The following CDH12 variants were observed in gnomAD, a reference collection of about 807,000 sequenced individuals.
The protein encoded by CDH12 is cadherin-12.
A neutral mutation model predicts 74.1 loss-of-function variants in CDH12; 41 were observed. The ratio of observed to expected loss-of-function variants is 0.55; its 90% CI spans 0.43 to 0.72. The LOEUF (loss-of-function observed/expected upper bound fraction) is 0.72, where lower values mean the gene tolerates loss of function less well. CDH12 is among the 30% of genes least tolerant of loss of function. The pLI is 0.00. For synonymous variants in CDH12, 399 were observed against 355.0 expected (o/e 1.12, Z -1.39); for missense variants, 945 against 977.2 (o/e 0.97, Z 0.44).
chr5:21,860,078 A>C (rs983671560), intron 6 of CDH12, among the ~76,000 whole-genome samples: 2 of 151,326 alleles, frequency 1.3e-5, no homozygotes. Context: ...AATGGGTAGT[A>C]GAAGAAGGTC....
At chr5:22,095,873 A>ACC (rs1297754723) in intron 4 of CDH12, among the ~76,000 whole-genome samples, 1 of 147,182 alleles carries the variant, frequency 6.8e-6, no homozygotes, top group Admixed American at 6.8e-5. Flanking sequence ...CCGTGCCCCG[A>ACC]CCTCTTATCT....
intron 3 of CDH12, among the ~76,000 whole-genome samples, chr5:22,231,763 A>G (rs954164548): frequency 1.3e-5 from 2 of 152,020 alleles, no homozygotes; most frequent in Non-Finnish European, 2.9e-5. Flanking sequence ...ACCATATATG[A>G]AAACAAAACT....
intron 4 of CDH12, among the ~76,000 whole-genome samples, chr5:22,168,199 G>A (rs1157277090): frequency 6.6e-6 from 1 of 152,044 alleles, no homozygotes; most frequent in Non-Finnish European, 1.5e-5. Flanking sequence ...ATATGTTCAT[G>A]TGCATAAAGA....
chr5:22,348,657 ATC>A (rs1289880658), intron 3 of CDH12, among the ~76,000 whole-genome samples: 1 of 152,212 alleles, frequency 6.6e-6, no homozygotes, highest in African/African-American at 2.4e-5. Flanking sequence ...TGGCTCTATC[ATC>A]TTGAGTGGTC....
At chr5:21,781,012 T>C (rs1279676878) in intron 11 of CDH12, among the ~76,000 whole-genome samples, 1 of 152,178 alleles carries the variant, frequency 6.6e-6, no homozygotes, top group Non-Finnish European at 1.5e-5. Context: ...ACTGTCATTC[T>C]CTTCTCCCTA....
intron 4 of CDH12, among the ~76,000 whole-genome samples, chr5:22,183,865 A>G (rs1217100127): frequency 6.6e-6 from 1 of 152,224 alleles, no homozygotes; most frequent in Middle Eastern, 3.2e-3. Context: ...TGATACAGTC[A>G]GAAATATCCC....
At chr5:22,758,651 C>T (rs947514171) in intron 1 of CDH12, among the ~76,000 whole-genome samples, 7 of 151,536 alleles carry the variant, frequency 4.6e-5, no homozygotes, top group African/African-American at 1.7e-4. Flanking sequence ...AAAGAGTAAA[C>T]TTTGTTTGCT....
chr5:22,076,280 G>C (rs188554678), intron 5 of CDH12, among the ~76,000 whole-genome samples: 1 of 151,976 alleles, frequency 6.6e-6, no homozygotes. Flanking sequence ...CACTGTTACC[G>C]CAATTATAAA....
intron 3 of CDH12, among the ~76,000 whole-genome samples, chr5:22,328,822 G>C (rs1268116506): frequency 1.3e-5 from 2 of 152,148 alleles, no homozygotes; most frequent in Non-Finnish European, 2.9e-5. Context: ...TCTGTCATGG[G>C]CTTTTAAGAA....
chr5:21,801,771 T>C (rs1311618313), intron 10 of CDH12, among the ~76,000 whole-genome samples: 2 of 152,208 alleles, frequency 1.3e-5, no homozygotes, highest in African/African-American at 4.8e-5. Context: ...TCAGAAATTT[T>C]AGAGTAATTA....
chr5:22,487,500 T>C (rs1412493733), intron 2 of CDH12, among the ~76,000 whole-genome samples: 1 of 151,954 alleles, frequency 6.6e-6, no homozygotes, highest in Admixed American at 6.6e-5. Flanking sequence ...TGAAAGACAG[T>C]GAAACTTGAG....
chr5:22,770,042 C>CT (rs150735015), intron 1 of CDH12, among the ~76,000 whole-genome samples: 50 of 148,868 alleles, frequency 3.4e-4, no homozygotes, highest in South Asian at 8.6e-4. Context: ...GTTGCGCTGA[C>CT]TTTTTTTTTT....
chr5:21,946,928 T>C (rs4028773), intron 6 of CDH12, among the ~76,000 whole-genome samples: 26 of 152,302 alleles, frequency 1.7e-4, no homozygotes, highest in Middle Eastern at 3.4e-3. Flanking sequence ...GGGCAAGACC[T>C]GGTGGGAAGT....
intron 4 of CDH12, among the ~76,000 whole-genome samples, chr5:22,196,041 A>G (rs1750598093): frequency 6.6e-6 from 1 of 152,056 alleles, no homozygotes; most frequent in Admixed American, 6.6e-5. Flanking sequence ...TCTCTATCCT[A>G]TATTACAGAA....
At chr5:22,696,391 A>AAAAAAAT (rs1742365740) in intron 1 of CDH12, among the ~76,000 whole-genome samples, 1 of 150,386 alleles carries the variant, frequency 6.6e-6, no homozygotes, top group African/African-American at 2.4e-5. Context: ...AAAAAAAAAA[A>AAAAAAAT]TTTTCTTTTA....
chr5:22,708,602 G>T (rs1023369466), intron 1 of CDH12, among the ~76,000 whole-genome samples: 1 of 152,108 alleles, frequency 6.6e-6, no homozygotes, highest in Non-Finnish European at 1.5e-5. Context: ...AGTGTAGTTA[G>T]AGCACAGAGA....
Position 22,779,183 on chromosome 5 carries a change from G to A in CDH12, c.-523+73875C>T, listed in dbSNP as rs189832689. 3.0e-4 allele frequency among the ~76,000 whole-genome samples: 46 copies of A among 151,468 alleles called. 1 individual carries two copies. The highest frequency in any genetic ancestry group is 9.8e-4 in the African/African-American group (40 of 40,866). On this transcript the variant is annotated intron_variant, in intron 1 of 14. Transcript: ENST00000382254. ...GGATCTAAATGTTGCTGCTCCTTCG[G>A]CAATAGCACTTTGATGTTTATCAAA...
At position 21,880,567 on chromosome 5, in the gene CDH12, CTTT is replaced by C. The variant is rs1207918357; in HGVS notation, c.527-25780_527-25778del. 3.8e-3 allele frequency among the ~76,000 whole-genome samples: 46 copies of C among 12,168 alleles called. 1 individual carries two copies. Among genetic ancestry groups the C allele is most frequent in the Non-Finnish European group, 9.0e-3 (28 of 3,126 alleles). 8.0% of individuals were successfully genotyped at this position (12,168 alleles called of 152,430 possible). On this transcript the variant is annotated intron_variant, in intron 6 of 14. Coordinates refer to ENST00000382254, the MANE Select transcript of CDH12 (RefSeq NM_004061.5). Reference sequence around the variant, plus strand: ...CCTTCCTTCCTTCCTTCCTTCCCTTCTTTCTTTCCTTCCTTCCTTCCTTCCTTC... The same window carrying C: ...CCTTCCTTCCTTCCTTCCTTCCCTTCCTTTCCTTCCTTCCTTCCTTCCTTC...
intron 3 of CDH12, among the ~76,000 whole-genome samples, chr5:22,350,596 T>G (rs1253126057): frequency 6.6e-6 from 1 of 152,174 alleles, no homozygotes; most frequent in Non-Finnish European, 1.5e-5. Context: ...TAACAGGACC[T>G]TATTTACTAA....
Sources: gnomAD v4.1 joint callset for allele counts (sites outside exome capture counted in the v4.1 genomes callset) on GRCh38, gnomAD v4.1.1 for gene constraint, MANE v1.5 for transcripts, NCBI Gene and HGNC (gene_info 2026-07-23, HGNC 2026-07-21) for gene names.